DDX52: variants seen among roughly 807,000 people sequenced by gnomAD.
DDX52 encodes DExD-box helicase 52, also known as probable ATP-dependent RNA helicase DDX52.
A neutral mutation model predicts 76.1 loss-of-function variants in DDX52; 59 were observed. That is an observed-to-expected ratio of 0.78 (90% CI 0.63 to 0.96). The LOEUF (loss-of-function observed/expected upper bound fraction) is 0.96, where lower values mean the gene tolerates loss of function less well. Ranked by LOEUF, DDX52 falls within the 40% of genes least tolerant of loss-of-function variation. The probability of loss-of-function intolerance (pLI) is 0.00; values close to 1 mark genes in which losing one functional copy is unlikely to be tolerated. For synonymous variants in DDX52, 231 were observed against 244.1 expected (o/e 0.95, Z 0.50); for missense variants, 707 against 703.9 (o/e 1.00, Z -0.05).
intron 2 of DDX52, among the ~76,000 whole-genome samples, chr17:37,641,615 T>C (rs1251480828): frequency 6.6e-6 from 1 of 151,448 alleles, no homozygotes; most frequent in Non-Finnish European, 1.5e-5. Context: ...CACGCACCTG[T>C]AGTCCCAGCT....
chr17:37,632,874 T>C (rs1423415792), intron 3 of DDX52, among the ~76,000 whole-genome samples: 2 of 152,200 alleles, frequency 1.3e-5, no homozygotes, highest in African/African-American at 4.8e-5. Flanking sequence ...ACTCCTCTTA[T>C]TCCCAAGTCA....
At chr17:37,629,446 G>A (rs1390150609) in intron 5 of DDX52, among the ~76,000 whole-genome samples, 1 of 152,138 alleles carries the variant, frequency 6.6e-6, no homozygotes, top group East Asian at 1.9e-4. Flanking sequence ...GCCAAGGTGG[G>A]AGGATCACTT....
chr17:37,615,139 G>C (rs764301368), intron 14 of DDX52: 1 of 152,252 alleles, frequency 6.6e-6, no homozygotes, highest in East Asian at 1.9e-4. Context: ...ACAACCTTAA[G>C]AGCGATCAGC....
chr17:37,619,178 A>G (rs2029947863), intron 13 of DDX52, among the ~76,000 whole-genome samples: 1 of 152,160 alleles, frequency 6.6e-6, no homozygotes, highest in Non-Finnish European at 1.5e-5. Flanking sequence ...CAGGAGTTTG[A>G]GACCAGCCTG....
intron 9 of DDX52, among the ~76,000 whole-genome samples, chr17:37,622,239 C>T (rs2030137219): frequency 1.3e-5 from 2 of 151,966 alleles, no homozygotes; most frequent in Admixed American, 1.3e-4. Flanking sequence ...CAAACCCTTA[C>T]TCTCTCTCAA....
At chr17:37,619,453 C>T (rs764885128) in intron 13 of DDX52, among the ~76,000 whole-genome samples, 7 of 151,972 alleles carry the variant, frequency 4.6e-5, no homozygotes. Flanking sequence ...CCTAGTACTT[C>T]GGGAGGCAAG....
chr17:37,620,777 G>A, intron 12 of DDX52, 96 bp downstream of exon 12: 1 of 1,222,878 alleles, frequency 8.2e-7, no homozygotes, highest in Non-Finnish European at 1.1e-6. Flanking sequence ...TAGAATTTGG[G>A]ACATAGCCAT....
chr17:37,621,600 T>C, intron 9 of DDX52, 80 bp from the exon 10 acceptor site: 1 of 1,492,852 alleles, frequency 6.7e-7, no homozygotes, highest in South Asian at 1.4e-5. Flanking sequence ...ATTGTAGCTT[T>C]TAAGAACCCA....
chr17:37,619,716 G>T (rs2029978526), intron 13 of DDX52, 52 bp downstream of exon 13: 27 of 1,333,608 alleles, frequency 2.0e-5, no homozygotes, highest in Non-Finnish European at 2.7e-5. Context: ...AAAAAAAAAA[G>T]AATGTATATA....
chr17:37,633,534 T>C (rs2030785409), intron 2 of DDX52, 116 bp from the exon 3 acceptor site: 3 of 732,084 alleles, frequency 4.1e-6, no homozygotes, highest in East Asian at 4.5e-5. Context: ...TGCAAGCCTG[T>C]AGTCCCAGCT....
chr17:37,628,184 T>G (rs1180352029), intron 6 of DDX52, among the ~76,000 whole-genome samples: 1 of 152,130 alleles, frequency 6.6e-6, no homozygotes, highest in African/African-American at 2.4e-5. Context: ...TGTTACCACT[T>G]TGGGCCACTA....
At chr17:37,634,384 C>T (rs763482836) in intron 2 of DDX52, among the ~76,000 whole-genome samples, 1 of 151,844 alleles carries the variant, frequency 6.6e-6, no homozygotes, top group Non-Finnish European at 1.5e-5. Context: ...GTAATCCCAG[C>T]ACTTTGGGAG....
Position 37,643,327 on chromosome 17 carries a change from A to G in DDX52, c.87+7T>C. ...TTACTCGGCCCTCGGTCCCTTGGGC[A>G]CAGTACCTGGAATCGAGCTGCGTCT... On this transcript the variant is annotated splice_region_variant and intron_variant, in intron 1 of 14. Coordinates refer to ENST00000617633, the MANE Select transcript of DDX52 (RefSeq NM_007010.5). 6.2e-7 allele frequency: 1 copy of G among 1,613,006 alleles called. No individual in the cohort carries two copies. The highest frequency in any genetic ancestry group is 8.5e-7 in the Non-Finnish European group (1 of 1,179,256).
intron 14 of DDX52, among the ~76,000 whole-genome samples, chr17:37,616,691 A>G (rs2064430895): frequency 6.6e-6 from 1 of 151,978 alleles, no homozygotes; most frequent in Non-Finnish European, 1.5e-5. Flanking sequence ...TGTGATTGTG[A>G]AGCATTCCCA....
chr17:37,628,922 A>G (rs904561337), intron 5 of DDX52, among the ~76,000 whole-genome samples: 27 of 152,296 alleles, frequency 1.8e-4, no homozygotes, highest in Non-Finnish European at 2.6e-4. Context: ...TTGTTTTCAG[A>G]ATACAGTACT....
chr17:37,631,940 A>G, intron 4 of DDX52, 173 bp downstream of exon 4: 1 of 745,502 alleles, frequency 1.3e-6, no homozygotes, highest in Admixed American at 2.6e-5. Flanking sequence ...ATCTAGATGG[A>G]GTGATCAAGA....
In DDX52 at chr17:37,642,278, A is replaced by C. The variant is rs949868210; in HGVS notation, c.118T>G (p.Ser40Ala). 7.4e-6 allele frequency: 12 copies of C among 1,613,926 alleles called. No homozygotes were observed. Among genetic ancestry groups the C allele is most frequent in the African/African-American group, 1.3e-5 (1 of 74,908 alleles). ...IGKRKYDFDS[S>A]EVLQGLDFFG... is the part of the protein sequence containing the mutation. ...AAGTCCAGTCCCTGAAGCACCTCCG[A>C]AGAATCAAAGTCATATTTCCTTTTT... Residue 40 changes from serine to alanine, a missense_variant, in exon 2 of 15, where the codon TCG becomes GCG. Ser to Ala is a moderately conservative substitution (Grantham distance 99). Transcript: ENST00000617633.
At chr17:37,639,213 A>C (rs941050542) in intron 2 of DDX52, among the ~76,000 whole-genome samples, 1 of 152,244 alleles carries the variant, frequency 6.6e-6, no homozygotes, top group African/African-American at 2.4e-5. Context: ...GGTTTAATAA[A>C]TTAAGAAGAA....
intron 1 of DDX52, chr17:37,642,751 G>C (rs1047653304): frequency 5.6e-6 from 1 of 178,630 alleles, no homozygotes; most frequent in Non-Finnish European, 1.2e-5. Context: ...CATGTCACAC[G>C]CATATACACA....
Sources: gnomAD v4.1 joint callset for allele counts (sites outside exome capture counted in the v4.1 genomes callset) on GRCh38, gnomAD v4.1.1 for gene constraint, MANE v1.5 for transcripts, NCBI Gene and HGNC (gene_info 2026-07-23, HGNC 2026-07-21) for gene names.